Variants in NIPBL observed in about 807,000 individuals in gnomAD.
The protein encoded by NIPBL is NIPBL cohesin loading factor.
In NIPBL, 19 loss-of-function variants were observed where a neutral mutation model predicts 321.8. The observed-to-expected ratio is 0.06, with a 90% CI of 0.04 to 0.09. NIPBL has a LOEUF of 0.09. Ranked by LOEUF, NIPBL falls within the 10% of genes least tolerant of loss-of-function variation. The probability of loss-of-function intolerance (pLI) is 1.00; values close to 1 mark genes in which losing one functional copy is unlikely to be tolerated. For synonymous variants in NIPBL, 1,106 were observed against 1,114.1 expected, an observed-to-expected ratio of 0.99 and a Z score of 0.14; for missense variants, 2,210 against 3,327.0, an observed-to-expected ratio of 0.66 and a Z score of 8.26.
chr5:37,064,165 A>G, intron 46 of NIPBL, 187 bp downstream of exon 46: 4 of 1,422,484 alleles, frequency 2.8e-6, no homozygotes, highest in South Asian at 3.3e-5. Context: ...AACATAAAAG[A>G]CAATAAAAAA....
intron 1 of NIPBL, among the ~76,000 whole-genome samples, chr5:36,917,036 C>A (rs1370442406): frequency 1.3e-5 from 2 of 152,108 alleles, no homozygotes; most frequent in Non-Finnish European, 2.9e-5. Context: ...TGGCTGGATC[C>A]ACTGGTATTT....
chr5:37,015,920 T>G (rs984711483), intron 22 of NIPBL, 118 bp from the exon 23 acceptor site: 21 of 879,854 alleles, frequency 2.4e-5, no homozygotes, highest in Non-Finnish European at 3.5e-5. Flanking sequence ...ATTTATATAT[T>G]TTGTTACTAA....
At chr5:37,056,353 G>A (rs1754090117) in intron 42 of NIPBL, among the ~76,000 whole-genome samples, 1 of 152,058 alleles carries the variant, frequency 6.6e-6, no homozygotes, top group Non-Finnish European at 1.5e-5. Context: ...TGGTAGGAGT[G>A]AGTGTTTTTT....
intron 6 of NIPBL, among the ~76,000 whole-genome samples, chr5:36,964,086 C>T (rs1476076422): frequency 6.6e-6 from 1 of 152,018 alleles, no homozygotes; most frequent in African/African-American, 2.4e-5. Flanking sequence ...TGTGTCATTT[C>T]TTAGAAATGC....
At chr5:36,902,041 C>T (rs1272285358) in intron 1 of NIPBL, among the ~76,000 whole-genome samples, 2 of 150,748 alleles carry the variant, frequency 1.3e-5, no homozygotes, top group African/African-American at 4.9e-5. Context: ...TGCTTATTGG[C>T]GGTATGTATG....
rs1377087663 is a variant in NIPBL at position 36,985,502 on chromosome 5, G to A, written c.2322G>A (p.Glu774=). 5 of 1,613,564 alleles carry A rather than the reference G, an allele frequency of 3.1e-6. No individual in the cohort carries two copies. The highest frequency in any genetic ancestry group is 2.2e-5 in the South Asian group (2 of 91,080). The change falls in exon 10 of 47, where the codon GAG becomes GAA. Residue 774 remains glutamate (E), a synonymous_variant. Coordinates refer to ENST00000282516, the MANE Select transcript of NIPBL (RefSeq NM_133433.4). The part of the protein sequence containing the change: ...NRRDSGKPST[E]KKPEVSKHKQ... ...GGGATTCTGGAAAGCCATCTACAGA[G>A]AAAAAACCTGAAGTGTCTAAACATA...
Position 36,955,647 on chromosome 5 carries a change from A to G in NIPBL, c.230+10A>G. 1.2e-6 allele frequency: 2 copies of G among 1,610,796 alleles called. No individual in the cohort carries two copies. Among genetic ancestry groups the G allele is most frequent in the Non-Finnish European group, 8.5e-7 (1 of 1,177,310 alleles). On this transcript the variant is annotated intron_variant, in intron 3 of 46. Coordinates refer to ENST00000282516, the MANE Select transcript of NIPBL (RefSeq NM_133433.4). ...TATCAACAGATCACATGTAAGTATGATCAATTTTATATCTACTATAAGTGA... is the reference window on the plus strand; with the variant it reads ...TATCAACAGATCACATGTAAGTATGGTCAATTTTATATCTACTATAAGTGA...
chr5:36,962,239 C>T lies in NIPBL; in HGVS notation c.575C>T (p.Pro192Leu). 3.1e-6 allele frequency: 5 copies of T among 1,614,058 alleles called. No individual in the cohort carries two copies. Among genetic ancestry groups the T allele is most frequent in the Non-Finnish European group, 4.2e-6 (5 of 1,179,960 alleles). The stretch of plus-strand genomic sequence containing the variant: ...GCAGGATACATGCCATATTCCCATC[C>T]TTCAAGTTACACAACACATCCACAG... ...SPAGYMPYSH[P>L]SSYTTHPQMQ... Residue 192 changes from proline to leucine, a missense_variant, in exon 6 of 47, where the codon CCT becomes CTT. Pro to Leu is a moderately conservative substitution (Grantham distance 98, BLOSUM62 -3). Transcript: ENST00000282516.
rs1398174707 is a variant in NIPBL at position 37,016,901 on chromosome 5, GAAA to G, written c.4777-110_4777-108del. The G allele has an allele frequency of 1.4e-5, 10 of 722,916 alleles. No individual in the cohort carries two copies. In the East Asian group the frequency reaches 3.2e-4, roughly 23 times the overall value. The allele number at this position is 722,916 out of a possible 1,614,324, so 44.8% of individuals were successfully genotyped here. A position where few individuals can be genotyped will look rare whatever the true frequency, so the allele number is the denominator to read the frequency against. ...ATGACTTTATGGGACAATATCACAGGAAAAAAAAAAGTTTAAATTTTAAATTAT... is the reference window on the plus strand; with the variant it reads ...ATGACTTTATGGGACAATATCACAGGAAAAAAAGTTTAAATTTTAAATTAT... On this transcript the variant is annotated intron_variant, in intron 23 of 46. Coordinates refer to ENST00000282516, the MANE Select transcript of NIPBL (RefSeq NM_133433.4).
intron 45 of NIPBL, among the ~76,000 whole-genome samples, chr5:37,062,290 T>C (rs1754799738): frequency 6.6e-6 from 1 of 152,234 alleles, no homozygotes; most frequent in African/African-American, 2.4e-5. Context: ...CTGCAAGCAG[T>C]CATTCTCTTA....
At chr5:36,914,867 G>A (rs1044696823) in intron 1 of NIPBL, among the ~76,000 whole-genome samples, 2 of 152,098 alleles carry the variant, frequency 1.3e-5, no homozygotes, top group African/African-American at 4.8e-5. Flanking sequence ...CACTTGGAGA[G>A]CTTGTAGAGT....
chr5:36,887,230 T>A (rs1049851507), intron 1 of NIPBL, among the ~76,000 whole-genome samples: 9 of 152,178 alleles, frequency 5.9e-5, no homozygotes, highest in African/African-American at 2.2e-4. Flanking sequence ...TACTCTCTTT[T>A]TCATAATTAA....
At chr5:36,961,166 C>T (rs1012342887) in intron 4 of NIPBL, among the ~76,000 whole-genome samples, 9 of 151,952 alleles carry the variant, frequency 5.9e-5, no homozygotes, top group African/African-American at 1.9e-4. Context: ...GTGTTAGGTG[C>T]GAGGTTAGAT....
intron 8 of NIPBL, 92 bp downstream of exon 8, chr5:36,972,133 T>C (rs967907455): frequency 2.5e-5 from 21 of 847,468 alleles, no homozygotes; most frequent in Non-Finnish European, 3.6e-5. Flanking sequence ...TAAAAAGTTA[T>C]TCTGTATTTT....
intron 10 of NIPBL, among the ~76,000 whole-genome samples, chr5:36,992,628 T>A (rs551177127): frequency 2.0e-5 from 3 of 152,084 alleles, no homozygotes; most frequent in African/African-American, 7.2e-5. Context: ...GATCCTCCCA[T>A]CTCAGCCTCC....
rs1286509024 is a variant in NIPBL at position 36,985,199 on chromosome 5, A to G, written c.2019A>G (p.Gln673=). 2 of 1,613,946 alleles carry G rather than the reference A, an allele frequency of 1.2e-6. No homozygotes were observed. The highest frequency in any genetic ancestry group is 1.7e-6 in the Non-Finnish European group (2 of 1,179,962). ...QNESTIVEPK[Q]NENRLSDTKP... ...AGAGCACCATAGTTGAGCCTAAACA[A>G]AATGAAAATAGACTGTCTGACACAA... The change falls in exon 10 of 47, where the codon CAA becomes CAG. Residue 673 remains glutamine (Q), a synonymous_variant. Transcript: ENST00000282516.
chr5:36,958,486 T>G (rs1741237188), intron 4 of NIPBL, among the ~76,000 whole-genome samples: 1 of 152,220 alleles, frequency 6.6e-6, no homozygotes, highest in Admixed American at 6.5e-5. Flanking sequence ...CTTAAAAATT[T>G]TTTTGTTTTA....
chr5:36,988,281 T>C (rs1273493523), intron 10 of NIPBL, among the ~76,000 whole-genome samples: 2 of 152,156 alleles, frequency 1.3e-5, no homozygotes, highest in African/African-American at 4.8e-5. Context: ...GATATGGTCA[T>C]GTTAGTATGT....
At chr5:36,877,240 T>G (rs1362987499) in intron 1 of NIPBL, 62 bp downstream of exon 1, 1 of 175,204 alleles carries the variant, frequency 5.7e-6, no homozygotes, top group Non-Finnish European at 1.2e-5. Context: ...GTCCTCAGCG[T>G]CTCTCCTCCT....
Sources: allele counts gnomAD v4.1 joint callset (sites outside exome capture counted in the v4.1 genomes callset), GRCh38; gene constraint gnomAD v4.1.1; transcripts MANE v1.5; gene names NCBI Gene and HGNC (gene_info 2026-07-23, HGNC 2026-07-21).